Variants in SNX18 observed in about 807,000 individuals in gnomAD.
SNX18 encodes sorting nexin 18.
Under a neutral mutation model 48.7 loss-of-function variants are expected in SNX18, and 35 were observed. The ratio of observed to expected loss-of-function variants is 0.72; its 90% CI spans 0.55 to 0.95. The LOEUF (loss-of-function observed/expected upper bound fraction) is 0.95. Ranked by LOEUF, SNX18 falls within the 40% of genes least tolerant of loss-of-function variation. SNX18 has a pLI of 0.00. For synonymous variants in SNX18, 492 were observed against 384.7 expected, an observed-to-expected ratio of 1.28 and a Z score of -3.26; for missense variants, 824 against 871.0, an observed-to-expected ratio of 0.95 and a Z score of 0.68.
At chr5:54,601,054 A>G in the SNX18 span, among the ~76,000 whole-genome samples, 1 of 152,072 alleles carries the variant, frequency 6.6e-6, no homozygotes. Context: ...CTATCCATTC[A>G]TCTATTCCTC....
chr5:54,629,879 T>C, the SNX18 span, among the ~76,000 whole-genome samples: 17 of 152,160 alleles, frequency 1.1e-4, no homozygotes, highest in African/African-American at 3.9e-4. Context: ...ACAGGCAAGA[T>C]CATGCCCAGC....
rs1263716680 is a variant in SNX18 at position 54,546,359 on chromosome 5, C to G, written c.*2927C>G. On this transcript the variant is annotated 3_prime_UTR_variant, in exon 2 of 2. Transcript: ENST00000381410. ...TGCCATAGCCATTTTCCATTTATGT[C>G]TTCATTTTCCAAAAATCAAATGCCA... The G allele has an allele frequency of 6.6e-6, 1 of 152,102 alleles. No individual in the cohort carries two copies. The highest frequency in any genetic ancestry group is 2.4e-5 in the African/African-American group (1 of 41,400). The allele number at this position is 152,102 out of a possible 1,614,324, so 9.4% of individuals were successfully genotyped here.
the SNX18 span, among the ~76,000 whole-genome samples, chr5:54,560,465 G>T: frequency 6.6e-6 from 1 of 152,090 alleles, no homozygotes; most frequent in East Asian, 1.9e-4. Flanking sequence ...ACACACTGGG[G>T]CCTATTGAAG....
intron 1 of SNX18, among the ~76,000 whole-genome samples, chr5:54,529,554 G>A (rs1047778946): frequency 6.6e-6 from 1 of 152,298 alleles, no homozygotes; most frequent in African/African-American, 2.4e-5. Context: ...AGCAGGTTAG[G>A]GGAGTGGGTG....
chr5:54,630,217 A>G, the SNX18 span, among the ~76,000 whole-genome samples: 1 of 152,184 alleles, frequency 6.6e-6, no homozygotes, highest in Non-Finnish European at 1.5e-5. Flanking sequence ...GGTAGGGAAA[A>G]TTGATGGAAG....
Position 54,518,850 on chromosome 5 carries a change from C to G in SNX18, c.898C>G (p.Leu300Val), listed in dbSNP as rs777538472. 1.2e-6 allele frequency: 2 copies of G among 1,612,344 alleles called. No individual in the cohort carries two copies. Among genetic ancestry groups the G allele is most frequent in the Non-Finnish European group, 1.7e-6 (2 of 1,178,972 alleles). Reference sequence around the variant, plus strand: ...CATGAAGAGCTACATCTCCTACAAGCTGGTGCCCACGCACACGCAGGTGCC... The same window carrying G: ...CATGAAGAGCTACATCTCCTACAAGGTGGTGCCCACGCACACGCAGGTGCC... ...KGMKSYISYK[L>V]VPTHTQVPVH... The change falls in exon 1 of 2, where the codon CTG becomes GTG. Residue 300 changes from leucine to valine, a missense_variant. Physicochemically the swap from Leu to Val is conservative, Grantham distance 32. Around this residue, in one of 3 missense-constraint regions of SNX18, gnomAD observed 443 missense variants for 503.6 expected, o/e 0.88. Transcript: ENST00000381410.
the SNX18 span, among the ~76,000 whole-genome samples, chr5:54,595,798 G>T: frequency 1.3e-4 from 20 of 152,298 alleles, no homozygotes; most frequent in East Asian, 3.7e-3. Context: ...CTGAAATAAA[G>T]ATATTGGTAG....
the SNX18 span, among the ~76,000 whole-genome samples, chr5:54,560,946 AG>A: frequency 1.3e-5 from 2 of 152,184 alleles, no homozygotes; most frequent in African/African-American, 4.8e-5. Flanking sequence ...CCACCACCAA[AG>A]GGGTGACATC....
the SNX18 span, among the ~76,000 whole-genome samples, chr5:54,591,311 C>T: frequency 6.6e-6 from 1 of 152,148 alleles, no homozygotes; most frequent in African/African-American, 2.4e-5. Context: ...CCCAGAGTAG[C>T]TGGGACTACA....
At chr5:54,642,138 C>A in the SNX18 span, among the ~76,000 whole-genome samples, 10 of 152,148 alleles carry the variant, frequency 6.6e-5, no homozygotes, top group African/African-American at 2.4e-4. Flanking sequence ...CTATCAGGAA[C>A]CATGAAAGGT....
At chr5:54,612,128 T>C in the SNX18 span, among the ~76,000 whole-genome samples, 4 of 152,152 alleles carry the variant, frequency 2.6e-5, no homozygotes, top group Non-Finnish European at 5.9e-5. Flanking sequence ...CGATAACTTG[T>C]TGTTATAATA....
the SNX18 span, among the ~76,000 whole-genome samples, chr5:54,643,402 A>G: frequency 6.6e-6 from 1 of 152,208 alleles, no homozygotes; most frequent in African/African-American, 2.4e-5. Flanking sequence ...AACACATTCA[A>G]TTTATAGCAA....
downstream of SNX18, among the ~76,000 whole-genome samples, chr5:54,548,086 C>G (rs1453923835): frequency 6.6e-6 from 1 of 152,142 alleles, no homozygotes; most frequent in Non-Finnish European, 1.5e-5. Flanking sequence ...ATGGCTATAG[C>G]CTTTCCAGGG....
chr5:54,622,007 T>C, the SNX18 span, among the ~76,000 whole-genome samples: 1 of 152,248 alleles, frequency 6.6e-6, no homozygotes, highest in Non-Finnish European at 1.5e-5. Flanking sequence ...AATAGTAAAC[T>C]CAGCATGGGC....
At chr5:54,635,117 T>C in the SNX18 span, among the ~76,000 whole-genome samples, 4 of 151,832 alleles carry the variant, frequency 2.6e-5, no homozygotes, top group East Asian at 7.7e-4. Context: ...TTATGTCTCC[T>C]TATTGGTAGA....
rs1191357602 is a variant in SNX18, at chr5:54,544,637, C to CA, written c.*1205_*1206insA. 1.4e-4 allele frequency: 9 copies of CA among 65,452 alleles called. No homozygotes were observed. Among genetic ancestry groups the CA allele is most frequent in the Non-Finnish European group, 4.9e-5 (2 of 40,602 alleles). 4.1% of individuals were successfully genotyped at this position (65,452 alleles called of 1,614,324 possible). Reference sequence around the variant, plus strand: ...AAAAAAAAAAAAGGTATTGATGAGCCCCCCCCCCCCAGGACATTTAACCTT... The same window carrying CA: ...AAAAAAAAAAAAGGTATTGATGAGCCACCCCCCCCCCAGGACATTTAACCTT... On this transcript the variant is annotated 3_prime_UTR_variant, in exon 2 of 2. Coordinates refer to ENST00000381410, the MANE Select transcript of SNX18 (RefSeq NM_001102575.2).
intron 1 of SNX18, among the ~76,000 whole-genome samples, chr5:54,537,618 C>A (rs754288475): frequency 3.3e-5 from 5 of 152,104 alleles, no homozygotes; most frequent in Non-Finnish European, 7.4e-5. Flanking sequence ...CCCATTCTTT[C>A]ATTTCCGTCT....
At chr5:54,641,582 A>G in the SNX18 span, among the ~76,000 whole-genome samples, 2 of 152,138 alleles carry the variant, frequency 1.3e-5, no homozygotes, top group Admixed American at 6.5e-5. Context: ...CAGGGTTTTG[A>G]GCGTGCACTA....
At chr5:54,593,124 G>A in the SNX18 span, among the ~76,000 whole-genome samples, 11 of 152,028 alleles carry the variant, frequency 7.2e-5, no homozygotes, top group African/African-American at 1.9e-4. Flanking sequence ...ATTGATAGTC[G>A]GCTGCTCTAT....
Sources: gnomAD v4.1 joint callset for allele counts (sites outside exome capture counted in the v4.1 genomes callset) on GRCh38, gnomAD v4.1.1 for gene constraint, gnomAD v4.1.1 regional missense constraint, MANE v1.5 for transcripts, NCBI Gene and HGNC (gene_info 2026-07-23, HGNC 2026-07-21) for gene names.